IQGAP3: variants seen among roughly 807,000 people sequenced by gnomAD.
IQGAP3 encodes IQ motif containing GTPase activating protein 3.
In IQGAP3, 165 loss-of-function variants were observed where a neutral mutation model predicts 208.2. The observed-to-expected ratio is 0.79, with a 90% CI of 0.70 to 0.90. The LOEUF is 0.90. Among genes scored for constraint, IQGAP3 ranks in the 40% least tolerant of loss-of-function variants. The pLI is 0.00. For synonymous variants in IQGAP3, 703 were observed against 803.6 expected, an observed-to-expected ratio of 0.87 and a Z score of 2.12; for missense variants, 1,811 against 2,043.1, an observed-to-expected ratio of 0.89 and a Z score of 2.19.
intron 10 of IQGAP3, 139 bp downstream of exon 10, chr1:156,561,699 T>C: frequency 1.2e-6 from 1 of 840,364 alleles, no homozygotes; most frequent in Non-Finnish European, 1.9e-6. Context: ...CTACTAGGCC[T>C]TGGGGTGATT....
At position 156,544,052 on chromosome 1, in the gene IQGAP3, T is replaced by C. The variant is rs752195778; in HGVS notation, c.2461-2A>G. 54 of 1,614,066 alleles carry C rather than the reference T, an allele frequency of 3.3e-5. No individual in the cohort carries two copies. The highest frequency in any genetic ancestry group is 4.3e-5 in the Non-Finnish European group (51 of 1,180,014). On this transcript the variant is annotated splice_acceptor_variant, in intron 21 of 37. Transcript: ENST00000361170. LOFTEE classifies it high-confidence loss of function. ...CTGGATCTTCACAATGGAGTTAACCTGCCACAAACACAGATTGGAAAAGGG... is the reference window on the plus strand; with the variant it reads ...CTGGATCTTCACAATGGAGTTAACCCGCCACAAACACAGATTGGAAAAGGG...
intron 1 of IQGAP3, among the ~76,000 whole-genome samples, chr1:156,570,596 G>A (rs1676604505): frequency 6.6e-6 from 1 of 152,142 alleles, no homozygotes; most frequent in Admixed American, 6.5e-5. Flanking sequence ...TTGACCTCCT[G>A]GGCTCAGGTG....
At position 156,530,284 on chromosome 1, in the gene IQGAP3, G is replaced by C. The variant is rs1350985977; in HGVS notation, c.4225C>G (p.Gln1409Glu). The C allele has an allele frequency of 1.9e-6, 3 of 1,610,904 alleles. No homozygotes were observed. The highest frequency in any genetic ancestry group is 2.7e-5 in the African/African-American group (2 of 74,922). The change falls in exon 34 of 38, where the codon CAG (glutamine) becomes GAG (glutamate). Residue 1409 changes from glutamine (Q) to glutamate (E), a missense_variant. Coordinates refer to ENST00000361170, the MANE Select transcript of IQGAP3 (RefSeq NM_178229.5). Reference protein sequence around the residue: ...AAHKQLMSRRQACTAQTPEPL... With the variant: ...AAHKQLMSRREACTAQTPEPL... ...TCCGGTGTCTGGGCTGTACAGGCCT[G>C]GCGTCGGCTCATCAGCTGCTTGTGG... is the stretch of plus-strand genomic sequence containing the variant.
Position 156,530,204 on chromosome 1 carries a change from C to T in IQGAP3, c.4305G>A (p.Glu1435=). Residue 1435 remains glutamate (E), a synonymous_variant, in exon 34 of 38, where the codon GAG becomes GAA. Transcript: ENST00000361170. ...LTAHSLLPLA[E]KQRRVLRNLR... is the part of the protein sequence containing the mutation. ...GGTTCCGCAGGACGCGCCGCTGCTTCTCTGCCAGTGGCAGGAGGGAGTGAG... is the reference window on the plus strand; with the variant it reads ...GGTTCCGCAGGACGCGCCGCTGCTTTTCTGCCAGTGGCAGGAGGGAGTGAG... 6.2e-7 allele frequency: 1 copy of T among 1,613,440 alleles called. No homozygotes were observed. Among genetic ancestry groups the T allele is most frequent in the Non-Finnish European group, 8.5e-7 (1 of 1,179,894 alleles).
At chr1:156,547,307 C>T (rs1184706331) in intron 19 of IQGAP3, among the ~76,000 whole-genome samples, 1 of 152,002 alleles carries the variant, frequency 6.6e-6, no homozygotes, top group Non-Finnish European at 1.5e-5. Flanking sequence ...TCTGTTTAAC[C>T]ACCACCACTT....
chr1:156,569,528 CTTT>C (rs34005985), intron 1 of IQGAP3, 65 bp from the exon 2 acceptor site: 1,366 of 137,658 alleles, frequency 9.9e-3, no homozygotes, highest in South Asian at 0.018. Flanking sequence ...ACTGAAGGGT[CTTT>C]TTTTTTTTTT....
intron 32 of IQGAP3, 30 bp from the exon 33 acceptor site, chr1:156,531,277 G>C (rs778275501): frequency 1.4e-5 from 22 of 1,573,800 alleles, no homozygotes; most frequent in Middle Eastern, 3.3e-4. Flanking sequence ...ACAGAGGAGA[G>C]GTAAGGGGCA....
In IQGAP3 at chr1:156,527,994, C is replaced by T; in HGVS notation, c.4740G>A (p.Lys1580=). Residue 1580 remains lysine, a synonymous_variant, in exon 37 of 38, where the codon AAG becomes AAA. Transcript: ENST00000361170. The part of the protein sequence containing the change: ...DEAGKFEVNA[K]FLGVDMERFQ... ...ATCGCTCCATGTCCACACCCAGGAA[C>T]TTGGCATTTACTTCAAACTTTCCTG... The T allele has an allele frequency of 6.2e-7, 1 of 1,614,018 alleles. No homozygotes were observed. Among genetic ancestry groups the T allele is most frequent in the East Asian group, 2.2e-5 (1 of 44,904 alleles).
chr1:156,542,718 T>C (rs1017756823), intron 22 of IQGAP3, among the ~76,000 whole-genome samples: 2 of 152,112 alleles, frequency 1.3e-5, no homozygotes, highest in Non-Finnish European at 2.9e-5. Context: ...GGTGAGTGGA[T>C]CACTTGAGCC....
chr1:156,532,421 A>G (rs1249934188), intron 32 of IQGAP3, among the ~76,000 whole-genome samples: 2 of 151,482 alleles, frequency 1.3e-5, no homozygotes, highest in African/African-American at 4.9e-5. Flanking sequence ...GAATTAGAAC[A>G]TGAGCTCTAC....
Position 156,544,291 on chromosome 1 carries a change from C to T in IQGAP3, c.2389-68G>A. ...ACCCTCACTCAGTCTCAGGCCAATTCAGCTAAATCTAGAGGTCACAAGAAG... is the reference window on the plus strand; with the variant it reads ...ACCCTCACTCAGTCTCAGGCCAATTTAGCTAAATCTAGAGGTCACAAGAAG... On this transcript the variant is annotated intron_variant, in intron 20 of 37. Transcript: ENST00000361170. The T allele has an allele frequency of 3.2e-6, 5 of 1,580,982 alleles. No individual in the cohort carries two copies. The Admixed American group carries it at 6.7e-5, about 21-fold the overall frequency.
At chr1:156,534,293 G>C (rs1674574231) in intron 29 of IQGAP3, 152 bp from the exon 30 acceptor site, 2 of 1,247,240 alleles carry the variant, frequency 1.6e-6, no homozygotes, top group African/African-American at 3.0e-5. Context: ...CCCTACCTCT[G>C]TCCCAGTGAC....
intron 16 of IQGAP3, 89 bp from the exon 17 acceptor site, chr1:156,548,837 A>G (rs1471484234): frequency 1.5e-6 from 2 of 1,302,474 alleles, no homozygotes; most frequent in African/African-American, 1.5e-5. Context: ...AGATTCCATG[A>G]AAGAGGACAC....
chr1:156,536,415 TAAA>T (rs1674686557), intron 27 of IQGAP3, among the ~76,000 whole-genome samples: 1 of 152,076 alleles, frequency 6.6e-6, no homozygotes, highest in Non-Finnish European at 1.5e-5. Flanking sequence ...TGTGGAATCT[TAAA>T]AAGGTGATTT....
chr1:156,544,387 A>G lies in IQGAP3; in HGVS notation c.2388+2T>C, dbSNP rs775666767. The G allele has an allele frequency of 9.3e-6, 15 of 1,612,264 alleles. No individual in the cohort carries two copies. Among genetic ancestry groups the G allele is most frequent in the African/African-American group, 2.7e-5 (2 of 74,872 alleles). ...GGAGCCTGCCAAAACCACCGTAGCTACCTTGATTATGGCATCCAGGTTTGC... is the reference window on the plus strand; with the variant it reads ...GGAGCCTGCCAAAACCACCGTAGCTGCCTTGATTATGGCATCCAGGTTTGC... On this transcript the variant is annotated splice_donor_variant, in intron 20 of 37. Transcript: ENST00000361170. LOFTEE classifies it high-confidence loss of function.
At position 156,551,961 on chromosome 1, in the gene IQGAP3, A is replaced by G; in HGVS notation, c.1570+13T>C. On this transcript the variant is annotated intron_variant, in intron 14 of 37. Transcript: ENST00000361170. ...AGTTGGGCCATCTCCACCCAGCTCCAGACTATACTTACGGTCAGTCTCTTC... is the reference window on the plus strand; with the variant it reads ...AGTTGGGCCATCTCCACCCAGCTCCGGACTATACTTACGGTCAGTCTCTTC... 6.2e-7 allele frequency: 1 copy of G among 1,612,690 alleles called. No individual in the cohort carries two copies. Among genetic ancestry groups the G allele is most frequent in the African/African-American group, 1.3e-5 (1 of 75,042 alleles).
At chr1:156,540,066 T>TGCCTAGAAAAG (rs1210521406) in intron 23 of IQGAP3, 76 bp from the exon 24 acceptor site, 15 of 1,541,580 alleles carry the variant, frequency 9.7e-6, no homozygotes, top group Non-Finnish European at 1.3e-5. Context: ...CTAGAATCAG[T>TGCCTAGAAAAG]GCCTTGAAGA....
rs543039707 is a variant in IQGAP3 at position 156,533,769 on chromosome 1, G to A, written c.3976+4C>T. On this transcript the variant is annotated splice_donor_region_variant and intron_variant, in intron 31 of 37. Transcript: ENST00000361170. ...TGGCCTCAGCTGCTAAGGAGGGCAC[G>A]TACCAATAAGGTCAGGGATGGTGGG... 29 of 1,612,074 alleles carry A rather than the reference G, an allele frequency of 1.8e-5. No individual in the cohort carries two copies. Among genetic ancestry groups the A allele is most frequent in the Admixed American group, 6.7e-5 (4 of 59,920 alleles).
Position 156,554,409 on chromosome 1 carries a change from G to C in IQGAP3, c.1291-17C>G. 1 of 1,582,142 alleles carries C rather than the reference G, an allele frequency of 6.3e-7. No individual in the cohort carries two copies. The highest frequency in any genetic ancestry group is 1.9e-5 in the Admixed American group (1 of 52,716). ...GCCAAGCTCCTACAATGGGTGGGAGGGCCAATTCCCAAGTGGGCAGGTGAA... is the reference window on the plus strand; with the variant it reads ...GCCAAGCTCCTACAATGGGTGGGAGCGCCAATTCCCAAGTGGGCAGGTGAA... On this transcript the variant is annotated splice_polypyrimidine_tract_variant and intron_variant, in intron 12 of 37. Transcript: ENST00000361170.
Sources: gnomAD v4.1 joint callset for allele counts (sites outside exome capture counted in the v4.1 genomes callset) on GRCh38, gnomAD v4.1.1 for gene constraint, MANE v1.5 for transcripts, NCBI Gene and HGNC (gene_info 2026-07-23, HGNC 2026-07-21) for gene names.